NEGR1: variants seen among roughly 807,000 people sequenced by gnomAD.
NEGR1 encodes neuronal growth regulator 1, also known as IgLON family member 4.
In NEGR1, 10 loss-of-function variants were observed where a neutral mutation model predicts 40.9. The ratio of observed to expected loss-of-function variants is 0.24; its 90% CI spans 0.15 to 0.42. The LOEUF (loss-of-function observed/expected upper bound fraction) is 0.42. NEGR1 is among the 10% of genes least tolerant of loss of function. The pLI, the probability that NEGR1 is intolerant of heterozygous loss-of-function variation, is 1.00. For synonymous variants in NEGR1, 185 were observed against 166.8 expected (o/e 1.11, Z -0.84); for missense variants, 352 against 438.9 (o/e 0.80, Z 1.77).
chr1:71,545,445 GA>G (rs1177423808), intron 6 of NEGR1, among the ~76,000 whole-genome samples: 9 of 151,656 alleles, frequency 5.9e-5, no homozygotes, highest in African/African-American at 2.2e-4. Context: ...GCCCTTTGCT[GA>G]TTTCAGTGTG....
intron 1 of NEGR1, among the ~76,000 whole-genome samples, chr1:72,076,678 GTATGTATA>G: frequency 6.6e-6 from 1 of 152,150 alleles, no homozygotes; most frequent in South Asian, 2.1e-4. Context: ...GTATGTGTGT[GTATGTATA>G]TGTGTGTACA....
chr1:71,869,088 TC>T (rs902021569), intron 2 of NEGR1, among the ~76,000 whole-genome samples: 1 of 152,198 alleles, frequency 6.6e-6, no homozygotes, highest in Non-Finnish European at 1.5e-5. Flanking sequence ...TTCATCTGCA[TC>T]TTTTACCTGT....
chr1:72,127,795 G>A lies in NEGR1; in HGVS notation c.176+154524C>T, dbSNP rs532459861. 1.6e-4 allele frequency among the ~76,000 whole-genome samples: 25 copies of A among 152,122 alleles called. No homozygotes were observed. The South Asian group carries it at 5.0e-3, about 30-fold the overall frequency. Reference sequence around the variant, plus strand: ...CTCACAATGGTTCTAATTCTAAAAGGGGAAGCCAGTATCTTCATATACAAC... The same window carrying A: ...CTCACAATGGTTCTAATTCTAAAAGAGGAAGCCAGTATCTTCATATACAAC... On this transcript the variant is annotated intron_variant, in intron 1 of 6. Transcript: ENST00000357731.
chr1:71,774,780 C>T (rs1363878208), intron 3 of NEGR1, among the ~76,000 whole-genome samples: 1 of 152,028 alleles, frequency 6.6e-6, no homozygotes, highest in Non-Finnish European at 1.5e-5. Context: ...CCAGGGTGCA[C>T]CCAAAGCTAT....
chr1:71,651,799 T>G (rs560173176), intron 4 of NEGR1, among the ~76,000 whole-genome samples: 2 of 152,252 alleles, frequency 1.3e-5, no homozygotes, highest in South Asian at 4.1e-4. Flanking sequence ...AAACACTTAC[T>G]AGGTGCCAAG....
chr1:71,943,962 T>C (rs946949098), intron 1 of NEGR1, among the ~76,000 whole-genome samples: 2 of 152,186 alleles, frequency 1.3e-5, no homozygotes, highest in African/African-American at 4.8e-5. Flanking sequence ...AAAAAGGTGT[T>C]ACAAATTTGA....
chr1:71,808,754 G>A (rs1657873432), intron 2 of NEGR1, among the ~76,000 whole-genome samples: 1 of 151,948 alleles, frequency 6.6e-6, no homozygotes, highest in South Asian at 2.1e-4. Flanking sequence ...AAGAACAATA[G>A]AAAATGAGAC....
chr1:71,753,651 G>T (rs1291498891), intron 3 of NEGR1, among the ~76,000 whole-genome samples: 4 of 152,090 alleles, frequency 2.6e-5, no homozygotes, highest in African/African-American at 9.7e-5. Flanking sequence ...ATTTTCTAGT[G>T]GTTATACATT....
chr1:72,001,685 C>T (rs552293916), intron 1 of NEGR1, among the ~76,000 whole-genome samples: 1 of 150,332 alleles, frequency 6.7e-6, no homozygotes, highest in East Asian at 2.0e-4. Context: ...GCATTACGAA[C>T]ATCACATGCA....
At chr1:71,987,343 T>C (rs1357824424) in intron 1 of NEGR1, among the ~76,000 whole-genome samples, 3 of 151,940 alleles carry the variant, frequency 2.0e-5, no homozygotes, top group Non-Finnish European at 2.9e-5. Context: ...AAAAAAGAGA[T>C]AAAGAGACAG....
chr1:71,543,249 G>A (rs570809115), intron 6 of NEGR1, among the ~76,000 whole-genome samples: 1 of 151,660 alleles, frequency 6.6e-6, no homozygotes, highest in South Asian at 2.1e-4. Flanking sequence ...ATGTGCTTGT[G>A]ACAACCCCCC....
chr1:71,881,991 T>A (rs979689884), intron 2 of NEGR1, among the ~76,000 whole-genome samples: 3 of 152,030 alleles, frequency 2.0e-5, no homozygotes, highest in Admixed American at 2.0e-4. Context: ...AGGTAGAAAA[T>A]CTGTGAAGAA....
intron 6 of NEGR1, among the ~76,000 whole-genome samples, chr1:71,439,547 G>A (rs570547049): frequency 2.6e-5 from 4 of 152,230 alleles, no homozygotes; most frequent in Non-Finnish European, 1.5e-5. Flanking sequence ...ATTTTCTGTA[G>A]AGACAGAGTT....
intron 6 of NEGR1, among the ~76,000 whole-genome samples, chr1:71,509,025 C>A (rs183121176): frequency 2.0e-5 from 3 of 152,184 alleles, no homozygotes; most frequent in Admixed American, 6.5e-5. Context: ...TTTAGTCCAC[C>A]AAATAATAAC....
chr1:71,979,148 CTAAA>C (rs1646333010), intron 1 of NEGR1, among the ~76,000 whole-genome samples: 1 of 151,948 alleles, frequency 6.6e-6, no homozygotes, highest in Admixed American at 6.6e-5. Flanking sequence ...TAAGTTGGAG[CTAAA>C]TAAAGAGAAC....
intron 1 of NEGR1, among the ~76,000 whole-genome samples, chr1:72,269,612 A>T (rs1412013703): frequency 6.6e-6 from 1 of 151,686 alleles, no homozygotes; most frequent in Non-Finnish European, 1.5e-5. Flanking sequence ...TGTAAAGTAG[A>T]AAAAGTATAG....
chr1:72,118,099 A>G (rs1649650735), intron 1 of NEGR1, among the ~76,000 whole-genome samples: 1 of 151,864 alleles, frequency 6.6e-6, no homozygotes, highest in African/African-American at 2.4e-5. Context: ...GATTATTCTT[A>G]TGTGTGCCCC....
chr1:71,646,313 G>C (rs939832695), intron 4 of NEGR1, among the ~76,000 whole-genome samples: 3 of 151,626 alleles, frequency 2.0e-5, no homozygotes, highest in Admixed American at 2.0e-4. Context: ...CTAAGGAATA[G>C]TGCATATAAA....
chr1:72,012,369 T>A (rs778744076), intron 1 of NEGR1, among the ~76,000 whole-genome samples: 1 of 152,038 alleles, frequency 6.6e-6, no homozygotes, highest in African/African-American at 2.4e-5. Context: ...ACACTCTGTG[T>A]TCTCAGAAAG....
Sources: allele counts gnomAD v4.1 joint callset (sites outside exome capture counted in the v4.1 genomes callset), GRCh38; gene constraint gnomAD v4.1.1; transcripts MANE v1.5; gene names NCBI Gene and HGNC (gene_info 2026-07-23, HGNC 2026-07-21).